Variants in WNK4 observed in about 807,000 individuals in gnomAD.
The protein encoded by WNK4 is WNK lysine deficient protein kinase 4, also known as serine/threonine-protein kinase WNK4.
A neutral mutation model predicts 116.2 loss-of-function variants in WNK4; 94 were observed. The observed-to-expected ratio is 0.81, with a 90% CI of 0.68 to 0.96. WNK4 has a LOEUF of 0.96. Among genes scored for constraint, WNK4 ranks in the 40% least tolerant of loss-of-function variants. WNK4 has a pLI of 0.00. For synonymous variants in WNK4, 655 were observed against 672.7 expected (o/e 0.97, Z 0.41); for missense variants, 1,542 against 1,650.6 (o/e 0.93, Z 1.14).
chr17:42,780,981 G>C lies in WNK4; in HGVS notation c.283G>C (p.Ala95Pro). The C allele has an allele frequency of 6.2e-7, 1 of 1,610,170 alleles. No homozygotes were observed. Among genetic ancestry groups the C allele is most frequent in the Non-Finnish European group, 8.5e-7 (1 of 1,179,420 alleles). The change falls in exon 1 of 19, where the codon GCG (alanine) becomes CCG (proline). Residue 95 changes from alanine to proline, a missense_variant. Around this residue, in one of 7 missense-constraint regions of WNK4, gnomAD observed 243 missense variants for 217.8 expected, o/e 1.12. Coordinates refer to ENST00000246914, the MANE Select transcript of WNK4 (RefSeq NM_032387.5). ...TCCGGACTCCGCTGGTCCTGGCCCCGCGAGGAGCCCACCGCCTAGCTCCAA... is the reference window on the plus strand; with the variant it reads ...TCCGGACTCCGCTGGTCCTGGCCCCCCGAGGAGCCCACCGCCTAGCTCCAA... ...DPPDSAGPGP[A>P]RSPPPSSKEP...
chr17:42,788,465 G>C (rs1199919919), intron 10 of WNK4, 58 bp downstream of exon 10: 1 of 1,520,674 alleles, frequency 6.6e-7, no homozygotes. Flanking sequence ...GGAAGTGTCA[G>C]GGGGAGGCGG....
Position 42,785,166 on chromosome 17 carries a change from C to T in WNK4, c.1240C>T (p.Arg414Cys), listed in dbSNP as rs377462363. The T allele has an allele frequency of 1.2e-6, 2 of 1,613,910 alleles. No individual in the cohort carries two copies. The highest frequency in any genetic ancestry group is 2.2e-5 in the East Asian group (1 of 44,880). ...GAAGGAGATCATTGAAGGCTGCATC[C>T]GCACGGATAAGAACGAGAGGTGGGG... is the stretch of plus-strand genomic sequence containing the variant. Reference protein sequence around the residue: ...EVKEIIEGCIRTDKNERFTIQ... With the variant: ...EVKEIIEGCICTDKNERFTIQ... Residue 414 changes from arginine to cysteine, a missense_variant, in exon 5 of 19, where the codon CGC becomes TGC. Physicochemically the swap from Arg to Cys is radical, Grantham distance 180. Coordinates refer to ENST00000246914, the MANE Select transcript of WNK4 (RefSeq NM_032387.5).
intron 6 of WNK4, 128 bp downstream of exon 6, chr17:42,785,610 A>C: frequency 8.5e-7 from 1 of 1,171,674 alleles, no homozygotes; most frequent in Non-Finnish European, 1.2e-6. Context: ...CCCTCTCAAA[A>C]TCTCCTGCAG....
Position 42,794,860 on chromosome 17 carries a change from T to G in WNK4, c.2439T>G (p.Pro813=). The change falls in exon 14 of 19, where the codon CCT becomes CCG. Residue 813 remains proline (P), a synonymous_variant. Transcript: ENST00000246914. ...SSSSPGTPLS[P]GNPFSPGTPI... is the part of the protein sequence containing the mutation. ...CTTCTCCTGGAACTCCTTTGTCTCC[T>G]GGAAACCCATTTTCCCCTGGAACCC... 6.2e-7 allele frequency: 1 copy of G among 1,613,878 alleles called. No homozygotes were observed. Among genetic ancestry groups the G allele is most frequent in the Admixed American group, 1.7e-5 (1 of 59,988 alleles).
At chr17:42,790,443 C>T (rs894471916) in intron 11 of WNK4, among the ~76,000 whole-genome samples, 2 of 151,900 alleles carry the variant, frequency 1.3e-5, no homozygotes, top group African/African-American at 4.8e-5. Flanking sequence ...GAAGAAGGGA[C>T]AGCCAAGACA....
chr17:42,784,600 G>A lies in WNK4; in HGVS notation c.1170+21G>A, dbSNP rs139983671. 423 of 1,613,888 alleles carry A rather than the reference G, an allele frequency of 2.6e-4. 3 individuals carry two copies. The East Asian group carries it at 8.0e-3, about 30-fold the overall frequency. On this transcript the variant is annotated intron_variant, in intron 4 of 18. Coordinates refer to ENST00000246914, the MANE Select transcript of WNK4 (RefSeq NM_032387.5). This position sits in a 1 kb window ranked among gnomAD's most constrained non-coding sequence, Gnocchi z 4.4. ...CTTCGGTGAGAGGGATGGGGCTGGC[G>A]GGAAAGGCAATTCCAGGGCCACTTC...
chr17:42,795,551 G>T (rs1329912810), intron 15 of WNK4, 30 bp downstream of exon 15: 2 of 1,614,092 alleles, frequency 1.2e-6, no homozygotes, highest in African/African-American at 1.3e-5. Context: ...ACCTTCCCCT[G>T]CCATTATCCC....
Position 42,795,119 on chromosome 17 carries a change from ACT to A in WNK4, c.2701_2702del (p.Leu901Ter). ...PTFSPTCSQV[T>X]LSSPFFPPCP... ...GTTCTCTCCCACTTGTTCTCAGGTC[ACT>A]CTTAGTTCCCCTTTCTTTCCTCCGT... On this transcript the variant is annotated frameshift_variant, in exon 14 of 19. Transcript: ENST00000246914. LOFTEE classifies it high-confidence loss of function. 6.2e-7 allele frequency: 1 copy of A among 1,612,956 alleles called. No homozygotes were observed. Among genetic ancestry groups the A allele is most frequent in the Non-Finnish European group, 8.5e-7 (1 of 1,179,720 alleles).
rs780101294 is a variant in WNK4, at chr17:42,795,267, T to C, written c.2846T>C (p.Leu949Pro). 4.3e-6 allele frequency: 7 copies of C among 1,613,826 alleles called. No homozygotes were observed. In the East Asian group the frequency reaches 8.9e-5, roughly 21 times the overall value. The change falls in exon 14 of 19, where the codon CTT becomes CCT. Residue 949 changes from leucine to proline, a missense_variant. Transcript: ENST00000246914. ...CTGCTGTCCCCCTCACCTGGGCTCC[T>C]TTCCCAGTCTCCTCCAGCCCCTCCT... ...QSLLSPSPGL[L>P]SQSPPAPPSP...
Position 42,784,586 on chromosome 17 carries a change from G to A in WNK4, c.1170+7G>A, listed in dbSNP as rs1015086802. 3.7e-6 allele frequency: 6 copies of A among 1,613,992 alleles called. No individual in the cohort carries two copies. In the African/African-American group the frequency reaches 8.0e-5, roughly 22 times the overall value. Reference sequence around the variant, plus strand: ...CTACCGCAAGGTCACTTCGGTGAGAGGGATGGGGCTGGCGGGAAAGGCAAT... The same window carrying A: ...CTACCGCAAGGTCACTTCGGTGAGAAGGATGGGGCTGGCGGGAAAGGCAAT... On this transcript the variant is annotated splice_region_variant and intron_variant, in intron 4 of 18. Transcript: ENST00000246914. This position sits in a 1 kb window ranked among gnomAD's most constrained non-coding sequence, Gnocchi z 4.4.
intron 7 of WNK4, 26 bp from the exon 8 acceptor site, chr17:42,787,752 T>A (rs1168711437): frequency 6.2e-7 from 1 of 1,609,552 alleles, no homozygotes; most frequent in Non-Finnish European, 8.5e-7. Context: ...TTTCCCCTTT[T>A]TTTGATCCTC....
chr17:42,796,096 C>T (rs773086514), intron 16 of WNK4, 27 bp from the exon 17 acceptor site: 2 of 1,613,962 alleles, frequency 1.2e-6, no homozygotes, highest in Non-Finnish European at 1.7e-6. Context: ...TGTGGCTAGC[C>T]CTTTCATGCC....
rs2054478810 is a variant in WNK4 at position 42,781,147 on chromosome 17, G to A, written c.449G>A (p.Arg150Gln). Reference sequence around the variant, plus strand: ...GTCCCTGAAGCTGTGGCCCTAGAGCGGCGGCGGGAGCAGGAAGAAAAGGAG... The same window carrying A: ...GTCCCTGAAGCTGTGGCCCTAGAGCAGCGGCGGGAGCAGGAAGAAAAGGAG... ...LRVPEAVALERRREQEEKEDM... is the reference protein window; with the variant it reads ...LRVPEAVALEQRREQEEKEDM... Residue 150 changes from arginine to glutamine, a missense_variant, in exon 1 of 19, where the codon CGG (arginine) becomes CAG (glutamine). Physicochemically the swap from Arg to Gln is conservative, Grantham distance 43 (BLOSUM62 1). This residue lies in a region of WNK4 where 243 missense variants were observed against 217.8 expected (regional missense o/e 1.12). Coordinates refer to ENST00000246914, the MANE Select transcript of WNK4 (RefSeq NM_032387.5). 6.2e-7 allele frequency: 1 copy of A among 1,613,984 alleles called. No homozygotes were observed. Among genetic ancestry groups the A allele is most frequent in the Non-Finnish European group, 8.5e-7 (1 of 1,179,924 alleles).
chr17:42,783,877 G>T, intron 2 of WNK4, 60 bp from the exon 3 acceptor site: 1 of 1,514,898 alleles, frequency 6.6e-7, no homozygotes. Flanking sequence ...TCCCAGTGGG[G>T]GGCTCCTTCC....
chr17:42,789,144 C>T (rs1019420085), intron 11 of WNK4, among the ~76,000 whole-genome samples: 8 of 151,830 alleles, frequency 5.3e-5, no homozygotes, highest in Non-Finnish European at 1.0e-4. Flanking sequence ...GGCAAATGGG[C>T]AAGAAAGGCT....
chr17:42,791,654 A>G (rs1248996291), intron 11 of WNK4, among the ~76,000 whole-genome samples: 1 of 141,406 alleles, frequency 7.1e-6, no homozygotes, highest in Non-Finnish European at 1.5e-5. Context: ...AAAAAAAAAG[A>G]AGAAAGAAAG....
chr17:42,787,794 T>G lies in WNK4; in HGVS notation c.1758T>G (p.Asp586Glu). Residue 586 changes from aspartate to glutamate, a missense_variant, in exon 8 of 19, where the codon GAT (aspartate) becomes GAG (glutamate). This residue lies in a region of WNK4 where 808 missense variants were observed against 873.6 expected (regional missense o/e 0.92). Coordinates refer to ENST00000246914, the MANE Select transcript of WNK4 (RefSeq NM_032387.5). ...CCCAACCAGCGGATTGCGAGACTGA[T>G]GGCTACCTCAGCTCCTCCGGCTTCC... ...YSSTTSDCET[D>E]GYLSSSGFLD... The G allele has an allele frequency of 6.2e-7, 1 of 1,612,452 alleles. No individual in the cohort carries two copies. The highest frequency in any genetic ancestry group is 1.1e-5 in the South Asian group (1 of 91,088).
intron 6 of WNK4, among the ~76,000 whole-genome samples, chr17:42,785,760 T>C (rs1376073834): frequency 6.6e-6 from 1 of 152,196 alleles, no homozygotes; most frequent in Non-Finnish European, 1.5e-5. Flanking sequence ...TGCCAATTCA[T>C]CTTTTCCTTC....
rs779514440 is a variant in WNK4 at position 42,795,642 on chromosome 17, G to A, written c.3040G>A (p.Val1014Ile). 4 of 1,613,650 alleles carry A rather than the reference G, an allele frequency of 2.5e-6. No homozygotes were observed. The highest frequency in any genetic ancestry group is 3.4e-6 in the Non-Finnish European group (4 of 1,180,042). Reference protein sequence around the residue: ...PISEEGKPQLVGRFQVTSSKE... With the variant: ...PISEEGKPQLIGRFQVTSSKE... ...CCCTACAGAGGGAAAGCCGCAGCTTGTTGGGCGTTTCCAAGTGACTTCATC... is the reference window on the plus strand; with the variant it reads ...CCCTACAGAGGGAAAGCCGCAGCTTATTGGGCGTTTCCAAGTGACTTCATC... Residue 1014 changes from valine (V) to isoleucine (I), a missense_variant, in exon 16 of 19, where the codon GTT (valine) becomes ATT (isoleucine). Transcript: ENST00000246914.
Sources: gnomAD v4.1 joint callset for allele counts (sites outside exome capture counted in the v4.1 genomes callset) on GRCh38, gnomAD v4.1.1 for gene constraint, gnomAD v4.1.1 regional missense constraint, Gnocchi (gnomAD v3.1) non-coding constraint, MANE v1.5 for transcripts, NCBI Gene and HGNC (gene_info 2026-07-23, HGNC 2026-07-21) for gene names.